PVALB: variants seen among roughly 807,000 people sequenced by gnomAD.
The protein encoded by PVALB is parvalbumin alpha.
In PVALB, 11 loss-of-function variants were observed where a neutral mutation model predicts 10.9. The observed-to-expected ratio is 1.01, with a 90% CI of 0.63 to 1.67. The LOEUF (loss-of-function observed/expected upper bound fraction) is 1.67. Ranked by LOEUF, PVALB falls within the 40% of genes most tolerant of loss-of-function variation. The pLI is 0.00. For missense variants in PVALB, 131 were observed against 136.2 expected, an observed-to-expected ratio of 0.96 and a Z score of 0.19; for synonymous variants, 57 against 50.7, an observed-to-expected ratio of 1.12 and a Z score of -0.53.
chr22:36,815,389 C>T (rs776911733), intron 1 of PVALB, 154 bp from the exon 2 acceptor site: 47 of 1,039,906 alleles, frequency 4.5e-5, no homozygotes, highest in Non-Finnish European at 5.9e-5. Context: ...TGAGGGAGCC[C>T]GGGCAAGGGA....
intron 3 of PVALB, among the ~76,000 whole-genome samples, chr22:36,810,249 G>A (rs1210999406): frequency 2.0e-5 from 3 of 152,192 alleles, no homozygotes; most frequent in Non-Finnish European, 2.9e-5. Context: ...CCCAGATCCC[G>A]CCAGGAGTTG....
intron 3 of PVALB, among the ~76,000 whole-genome samples, chr22:36,810,527 C>T (rs1020405553): frequency 6.6e-6 from 1 of 152,200 alleles, no homozygotes; most frequent in Non-Finnish European, 1.5e-5. Context: ...TATTTTATGT[C>T]TTGCCTATGA....
intron 3 of PVALB, among the ~76,000 whole-genome samples, chr22:36,808,391 C>T (rs528638032): frequency 6.6e-5 from 10 of 152,238 alleles, no homozygotes; most frequent in African/African-American, 2.2e-4. Flanking sequence ...GACACATGCT[C>T]GTGTGAGGCA....
At chr22:36,815,011 C>A in intron 2 of PVALB, 92 bp downstream of exon 2, 2 of 1,505,500 alleles carry the variant, frequency 1.3e-6, no homozygotes, top group South Asian at 1.2e-5. Context: ...GAGTGAAAGG[C>A]AGGTCTGATG....
At chr22:36,814,526 G>T (rs1038627529) in intron 2 of PVALB, among the ~76,000 whole-genome samples, 1 of 151,964 alleles carries the variant, frequency 6.6e-6, no homozygotes, top group East Asian at 1.9e-4. Context: ...AGACATGGCC[G>T]GGTGGCTGAG....
At chr22:36,803,121 G>A (rs187870908) in intron 3 of PVALB, among the ~76,000 whole-genome samples, 95 of 152,294 alleles carry the variant, frequency 6.2e-4, no homozygotes, top group African/African-American at 1.7e-3. Flanking sequence ...TACTCCATGG[G>A]AGAGACACCT....
In PVALB at chr22:36,804,478, A is replaced by C. The variant is rs9610586; in HGVS notation, c.305-3560T>G. Among the ~76,000 whole-genome samples the C allele has an allele frequency of 1.9e-3, 293 of 152,348 alleles. 2 individuals are homozygous for C. Among genetic ancestry groups the C allele is most frequent in the Admixed American group, 5.7e-3 (87 of 15,308 alleles). ...CACGGAATTCTAATTTTATCCCCTC[A>C]GAACCTTCAATAGGGGACTTTGTAG... On this transcript the variant is annotated intron_variant, in intron 3 of 3. Coordinates refer to ENST00000417718, the MANE Select transcript of PVALB (RefSeq NM_001315532.2).
rs1156717794 is a variant in PVALB at position 36,817,026 on chromosome 22, C to T, written c.-21G>A. The T allele has an allele frequency of 1.9e-6, 3 of 1,604,748 alleles. No individual in the cohort carries two copies. The highest frequency in any genetic ancestry group is 3.4e-5 in the Admixed American group (2 of 59,448). On this transcript the variant is annotated 5_prime_UTR_variant, in exon 1 of 4. Transcript: ENST00000417718. ...GACATCCTGCAACTGTTTGAGCGGG[C>T]AGAGCAAGTGCGAAAAGATTAAAAA...
intron 3 of PVALB, among the ~76,000 whole-genome samples, chr22:36,803,858 T>A (rs914925574): frequency 6.6e-6 from 1 of 152,100 alleles, no homozygotes; most frequent in Non-Finnish European, 1.5e-5. Context: ...AGGTGAGGTG[T>A]CAGGGTCATG....
At chr22:36,818,967 C>T (rs973371224), upstream of PVALB, among the ~76,000 whole-genome samples, 1 of 152,172 alleles carries the variant, frequency 6.6e-6, no homozygotes, top group Admixed American at 6.5e-5. Flanking sequence ...CAACAGGGGC[C>T]CACTCTTCTT....
chr22:36,801,625 C>T (rs1165933193), intron 3 of PVALB, among the ~76,000 whole-genome samples: 1 of 152,132 alleles, frequency 6.6e-6, no homozygotes, highest in African/African-American at 2.4e-5. Flanking sequence ...CATGGTAAAA[C>T]CCTGTATCTA....
chr22:36,813,872 C>T (rs973196937), intron 2 of PVALB, 117 bp from the exon 3 acceptor site: 8 of 799,162 alleles, frequency 1.0e-5, no homozygotes, highest in East Asian at 7.3e-5. Context: ...GGACAGGCAG[C>T]GAGCAGCAGT....
chr22:36,813,976 G>T (rs1939089858), intron 2 of PVALB, among the ~76,000 whole-genome samples: 1 of 152,182 alleles, frequency 6.6e-6, no homozygotes. Flanking sequence ...CTCAGTGAAG[G>T]GTTGTCCTCA....
chr22:36,803,670 T>G (rs1938905965), intron 3 of PVALB, among the ~76,000 whole-genome samples: 1 of 85,082 alleles, frequency 1.2e-5, no homozygotes, highest in African/African-American at 4.7e-5. Context: ...GATGGGTGGG[T>G]GGGTGGATGG....
At position 36,815,191 on chromosome 22, in the gene PVALB, G is replaced by A; in HGVS notation, c.106C>T (p.Leu36=). ...DHKKFFQMVG[L]KKKSADDVKK... is the part of the protein sequence containing the mutation. ...ACATCATCCGCACTCTTTTTCTTCA[G>A]GCCGACCATTTGGAAGAACTTTTTG... Residue 36 remains leucine (L), a synonymous_variant, in exon 2 of 4, where the codon CTG becomes TTG. Transcript: ENST00000417718. 1 of 1,614,178 alleles carries A rather than the reference G, an allele frequency of 6.2e-7. No homozygotes were observed. The highest frequency in any genetic ancestry group is 8.5e-7 in the Non-Finnish European group (1 of 1,180,008).
chr22:36,811,637 T>C (rs1939048000), intron 3 of PVALB: 2 of 434,700 alleles, frequency 4.6e-6, no homozygotes, highest in African/African-American at 4.1e-5. Context: ...GTAGGTTTTC[T>C]GTGAGCAGTC....
At chr22:36,814,242 A>G (rs1279049829) in intron 2 of PVALB, among the ~76,000 whole-genome samples, 3 of 150,634 alleles carry the variant, frequency 2.0e-5, no homozygotes, top group South Asian at 4.2e-4. Context: ...TGATACCTGG[A>G]GGACAGGGGG....
chr22:36,811,373 A>C, intron 3 of PVALB: 1 of 406,588 alleles, frequency 2.5e-6, no homozygotes, highest in Non-Finnish European at 5.1e-6. Context: ...CCACATTTCC[A>C]TGTTATAATG....
chr22:36,809,496 G>A (rs1307440522), intron 3 of PVALB, among the ~76,000 whole-genome samples: 2 of 152,132 alleles, frequency 1.3e-5, no homozygotes, highest in African/African-American at 2.4e-5. Flanking sequence ...CACGTGCTTC[G>A]GAGCTCAAAA....
Sources: gnomAD v4.1 joint callset for allele counts (sites outside exome capture counted in the v4.1 genomes callset) on GRCh38, gnomAD v4.1.1 for gene constraint, MANE v1.5 for transcripts, NCBI Gene and HGNC (gene_info 2026-07-23, HGNC 2026-07-21) for gene names.